FBN1: variants seen among roughly 807,000 people sequenced by gnomAD.
FBN1 encodes fibrillin-1.
In FBN1, 29 loss-of-function variants were observed where a neutral mutation model predicts 365.1. The observed-to-expected ratio is 0.08, with a 90% CI of 0.06 to 0.11. The LOEUF is 0.11. Among genes scored for constraint, FBN1 ranks in the 10% least tolerant of loss-of-function variants. The probability of loss-of-function intolerance (pLI) is 1.00; values close to 1 mark genes in which losing one functional copy is unlikely to be tolerated. For synonymous variants in FBN1, 1,210 were observed against 1,270.5 expected, an observed-to-expected ratio of 0.95 and a Z score of 1.01; for missense variants, 2,476 against 3,703.2, an observed-to-expected ratio of 0.67 and a Z score of 8.60.
chr15:48,503,719 A>C, intron 17 of FBN1, 68 bp downstream of exon 17: 1 of 1,605,462 alleles, frequency 6.2e-7, no homozygotes. Context: ...TGTGAATTCC[A>C]CAAATGCAAA....
Position 48,483,900 on chromosome 15 carries a change from A to C in FBN1, c.3756T>G (p.Gly1252=). 1 of 1,613,512 alleles carries C rather than the reference A, an allele frequency of 6.2e-7. No individual in the cohort carries two copies. The highest frequency in any genetic ancestry group is 8.5e-7 in the Non-Finnish European group (1 of 1,179,842). ...ACTCTCCAGGGATATTTGTGCACTGACCACCATCACAGATATTGGGATTAT... is the reference window on the plus strand; with the variant it reads ...ACTCTCCAGGGATATTTGTGCACTGCCCACCATCACAGATATTGGGATTAT... The part of the protein sequence containing the change: ...CEDNPNICDG[G]QCTNIPGEYR... Residue 1252 remains glycine, a synonymous_variant, in exon 31 of 66, where the codon GGT becomes GGG. Transcript: ENST00000316623.
chr15:48,634,862 CACACACACA>C (rs1890065243), intron 2 of FBN1, among the ~76,000 whole-genome samples: 1 of 59,522 alleles, frequency 1.7e-5, no homozygotes, highest in African/African-American at 1.3e-4. Context: ...AAAAACCACA[CACACACACA>C]CACACACACA....
intron 7 of FBN1, among the ~76,000 whole-genome samples, chr15:48,534,831 G>C (rs1410404754): frequency 6.6e-6 from 1 of 152,178 alleles, no homozygotes; most frequent in Admixed American, 6.5e-5. Context: ...TTAGGTGAGT[G>C]AGTGTGTAGT....
intron 6 of FBN1, among the ~76,000 whole-genome samples, chr15:48,588,341 A>G (rs1321390529): frequency 6.6e-6 from 1 of 152,242 alleles, no homozygotes; most frequent in Non-Finnish European, 1.5e-5. Context: ...GGCTACAAGA[A>G]AAGTTAAAAT....
chr15:48,516,372 C>G lies in FBN1; in HGVS notation c.1148-10G>C. The G allele has an allele frequency of 6.2e-6, 10 of 1,613,106 alleles. No individual in the cohort carries two copies. In the South Asian group the frequency reaches 1.1e-4, roughly 18 times the overall value. ...AGCTTGTTGAAATCCTCTAGAAAAA[C>G]ACAACAAAACAAAACACAACAGCTG... On this transcript the variant is annotated splice_polypyrimidine_tract_variant and intron_variant, in intron 10 of 65. Transcript: ENST00000316623.
chr15:48,600,345 G>T, intron 4 of FBN1, 111 bp from the exon 5 acceptor site: 1 of 779,942 alleles, frequency 1.3e-6, no homozygotes, highest in Non-Finnish European at 2.2e-6. Flanking sequence ...AGCTTATCAG[G>T]ATTCATCTAT....
chr15:48,503,296 C>CAAAA (rs754101177), intron 17 of FBN1, among the ~76,000 whole-genome samples: 3 of 74,666 alleles, frequency 4.0e-5, no homozygotes, highest in African/African-American at 8.7e-5. Context: ...GACTCCATCT[C>CAAAA]AAAAAAAAAA....
intron 64 of FBN1, 137 bp from the exon 65 acceptor site, chr15:48,412,880 C>T: frequency 4.0e-6 from 4 of 1,005,592 alleles, no homozygotes; most frequent in Non-Finnish European, 6.2e-6. Context: ...TCAGCTAGTT[C>T]TGAGAACTAC....
chr15:48,474,200 G>T, intron 34 of FBN1, 55 bp downstream of exon 34: 3 of 1,612,316 alleles, frequency 1.9e-6, no homozygotes, highest in South Asian at 1.1e-5. Context: ...GAGAAATGTG[G>T]AATGCCTGGC....
chr15:48,644,970 C>T lies in FBN1; in HGVS notation c.-181-20G>A. ...TGCCAGCTGCAACACAGAGACAAAT[C>T]CCCGAGGCGGGGAGACTTTCAGGGC... is the stretch of plus-strand genomic sequence containing the variant. On this transcript the variant is annotated intron_variant, in intron 1 of 65. Transcript: ENST00000316623. 2.5e-6 allele frequency: 1 copy of T among 395,318 alleles called. No individual in the cohort carries two copies. The highest frequency in any genetic ancestry group is 4.6e-5 in the East Asian group (1 of 21,654). The allele number at this position is 395,318 out of a possible 1,614,324, so 24.5% of individuals were successfully genotyped here.
At chr15:48,483,966 C>A (rs1173858921) in intron 30 of FBN1, 23 bp from the exon 31 acceptor site, 2 of 1,610,644 alleles carry the variant, frequency 1.2e-6, no homozygotes, top group African/African-American at 1.3e-5. Context: ...AAACCAACAA[C>A]CACAGGTTGT....
In FBN1 at chr15:48,487,301, T is replaced by C; in HGVS notation, c.3463+11A>G. ...ACCACAAGTAAATGGTGTGAAAGTC[T>C]TTCTCCTTACCGATACACGCGGAGA... On this transcript the variant is annotated intron_variant, in intron 28 of 65. Coordinates refer to ENST00000316623, the MANE Select transcript of FBN1 (RefSeq NM_000138.5). 1 of 1,614,210 alleles carries C rather than the reference T, an allele frequency of 6.2e-7. No individual in the cohort carries two copies. The highest frequency in any genetic ancestry group is 1.1e-5 in the South Asian group (1 of 91,078).
chr15:48,466,963 G>C (rs1325369176), intron 38 of FBN1, among the ~76,000 whole-genome samples: 1 of 152,208 alleles, frequency 6.6e-6, no homozygotes. Flanking sequence ...GAGAGAAGGA[G>C]GAGCCAGCTG....
intron 6 of FBN1, among the ~76,000 whole-genome samples, chr15:48,542,781 ATGTGTGTGTGTGTGTGTGTGTGTGTG>A (rs58728910): frequency 1.5e-5 from 2 of 130,572 alleles, no homozygotes; most frequent in Non-Finnish European, 3.1e-5. Context: ...GGACTCTAAG[ATGTGTGTGTGTGTGTGTGTGTGTGTG>A]TGTGTGTGTG....
intron 4 of FBN1, among the ~76,000 whole-genome samples, chr15:48,601,921 GCC>G (rs1346131370): frequency 6.6e-6 from 1 of 152,122 alleles, no homozygotes; most frequent in African/African-American, 2.4e-5. Context: ...CCTCAGCATG[GCC>G]CCAGGTATCT....
chr15:48,579,772 A>T (rs1320315132), intron 6 of FBN1, among the ~76,000 whole-genome samples: 3 of 152,198 alleles, frequency 2.0e-5, no homozygotes, highest in Non-Finnish European at 4.4e-5. Flanking sequence ...GCTCTTAATA[A>T]TAAATCCCTA....
rs553959381 is a variant in FBN1 at position 48,441,737 on chromosome 15, A to C, written c.6147T>G (p.Ser2049Arg). 1 of 1,613,644 alleles carries C rather than the reference A, an allele frequency of 6.2e-7. No individual in the cohort carries two copies. The highest frequency in any genetic ancestry group is 1.7e-5 in the Admixed American group (1 of 59,970). Residue 2049 changes from serine (S) to arginine (R), a missense_variant, in exon 50 of 66, where the codon AGT (serine) becomes AGG (arginine). By Grantham distance (110) the Ser-to-Arg change is moderately radical. Transcript: ENST00000316623. ...GACACTTACCTTGGCACCTTCTTCC[A>C]CTGGAGGACAAGGAAAACCCTTCTG... Reference protein sequence around the residue: ...LCPEGFSLSSSGRRCQDLRMS... With the variant: ...LCPEGFSLSSRGRRCQDLRMS...
chr15:48,486,067 C>T (rs1017014906), intron 29 of FBN1, among the ~76,000 whole-genome samples: 1 of 152,188 alleles, frequency 6.6e-6, no homozygotes, highest in Non-Finnish European at 1.5e-5. Context: ...AAAATGATTA[C>T]ACTGTGGCCA....
chr15:48,563,821 C>T (rs1406704625), intron 6 of FBN1, among the ~76,000 whole-genome samples: 1 of 152,124 alleles, frequency 6.6e-6, no homozygotes, highest in East Asian at 1.9e-4. Context: ...AGGTGCAGAG[C>T]CGTAGAGGCA....
Sources: gnomAD v4.1 joint callset for allele counts (sites outside exome capture counted in the v4.1 genomes callset) on GRCh38, gnomAD v4.1.1 for gene constraint, MANE v1.5 for transcripts, NCBI Gene and HGNC (gene_info 2026-07-23, HGNC 2026-07-21) for gene names.